FRMD6: variants seen among roughly 807,000 people sequenced by gnomAD.
The protein encoded by FRMD6 is FERM domain containing 6, also known as FERM domain-containing protein 6.
Under a neutral mutation model 73.2 loss-of-function variants are expected in FRMD6, and 37 were observed. The ratio of observed to expected loss-of-function variants is 0.51; its 90% CI spans 0.39 to 0.66. FRMD6 has a LOEUF of 0.66. Ranked by LOEUF, FRMD6 falls within the 30% of genes least tolerant of loss-of-function variation. The probability of loss-of-function intolerance (pLI) is 0.00; values close to 1 mark genes in which losing one functional copy is unlikely to be tolerated. For synonymous variants in FRMD6, 273 were observed against 282.2 expected (o/e 0.97, Z 0.33); for missense variants, 714 against 780.5 (o/e 0.91, Z 1.02).
the FRMD6 span, among the ~76,000 whole-genome samples, chr14:51,443,778 C>G: frequency 6.6e-6 from 1 of 152,176 alleles, no homozygotes; most frequent in African/African-American, 2.4e-5. Flanking sequence ...AAAAAACAAC[C>G]AGGACATTGT....
chr14:51,420,806 G>A, the FRMD6 span, among the ~76,000 whole-genome samples: 14 of 152,000 alleles, frequency 9.2e-5, 1 homozygote, highest in South Asian at 2.1e-4. Context: ...ATGGAGTCTC[G>A]CTCTGTCACC....
chr14:51,497,217 T>C (rs1883351037), intron 1 of FRMD6, among the ~76,000 whole-genome samples: 1 of 151,742 alleles, frequency 6.6e-6, no homozygotes, highest in Non-Finnish European at 1.5e-5. Context: ...GGTTCTTGAT[T>C]CCATCTTCTG....
chr14:51,613,676 G>A (rs963020037), intron 2 of FRMD6, among the ~76,000 whole-genome samples: 2 of 152,044 alleles, frequency 1.3e-5, no homozygotes, highest in African/African-American at 4.8e-5. Context: ...CACTGAGACA[G>A]CATATGCAGC....
At chr14:51,648,531 T>C (rs1471533515), upstream of FRMD6, among the ~76,000 whole-genome samples, 1 of 152,248 alleles carries the variant, frequency 6.6e-6, no homozygotes, top group Admixed American at 6.5e-5. Context: ...TCCAACGTGC[T>C]TGCAAGTTTG....
chr14:51,593,866 T>C (rs1192218756), intron 2 of FRMD6, among the ~76,000 whole-genome samples: 3 of 151,974 alleles, frequency 2.0e-5, no homozygotes, highest in African/African-American at 7.2e-5. Flanking sequence ...CACACACACA[T>C]ATATATGTAT....
chr14:51,451,107 A>G, the FRMD6 span, among the ~76,000 whole-genome samples: 5 of 152,234 alleles, frequency 3.3e-5, no homozygotes, highest in East Asian at 1.9e-4. Context: ...GAGATAGGAC[A>G]TGCCAGGAAA....
At chr14:51,725,327 G>T (rs1205467046) in intron 12 of FRMD6, among the ~76,000 whole-genome samples, 1 of 152,144 alleles carries the variant, frequency 6.6e-6, no homozygotes, top group Non-Finnish European at 1.5e-5. Flanking sequence ...AGAGGCCAGA[G>T]CCCCCACAAT....
At chr14:51,560,290 GTAAAA>G (rs201208354) in intron 1 of FRMD6, among the ~76,000 whole-genome samples, 1,734 of 152,120 alleles carry the variant, frequency 0.011, 16 homozygotes, top group South Asian at 0.03. Flanking sequence ...TGAAAAATTC[GTAAAA>G]TAAAAGGTTT....
chr14:51,480,847 A>G, the FRMD6 span, among the ~76,000 whole-genome samples: 1 of 152,244 alleles, frequency 6.6e-6, no homozygotes, highest in Non-Finnish European at 1.5e-5. Flanking sequence ...GGGAGAAACC[A>G]TAATAGTAGC....
the FRMD6 span, among the ~76,000 whole-genome samples, chr14:51,454,161 A>G: frequency 3.9e-5 from 6 of 152,178 alleles, no homozygotes; most frequent in African/African-American, 1.4e-4. Context: ...ATGCCATGGC[A>G]TTTCATTAGC....
chr14:51,597,319 G>C (rs1416126098), intron 2 of FRMD6, among the ~76,000 whole-genome samples: 1 of 152,220 alleles, frequency 6.6e-6, no homozygotes, highest in Non-Finnish European at 1.5e-5. Flanking sequence ...CGCTATTTCA[G>C]CATAAGGAGA....
chr14:51,710,790 T>C (rs1896900177), intron 7 of FRMD6, among the ~76,000 whole-genome samples: 1 of 152,182 alleles, frequency 6.6e-6, no homozygotes, highest in Non-Finnish European at 1.5e-5. Flanking sequence ...TATATACTTA[T>C]TACAGATGAG....
chr14:51,657,352 A>G (rs1892906271), intron 1 of FRMD6, among the ~76,000 whole-genome samples: 1 of 152,236 alleles, frequency 6.6e-6, no homozygotes, highest in Non-Finnish European at 1.5e-5. Context: ...CAAGAAGCAG[A>G]ACATTACCAG....
the FRMD6 span, among the ~76,000 whole-genome samples, chr14:51,445,878 T>C: frequency 6.6e-6 from 1 of 152,256 alleles, no homozygotes; most frequent in Non-Finnish European, 1.5e-5. Flanking sequence ...TGACAGCTAA[T>C]GCTTCTTGCG....
intron 1 of FRMD6, among the ~76,000 whole-genome samples, chr14:51,504,194 G>A (rs749626603): frequency 1.3e-5 from 2 of 152,142 alleles, no homozygotes; most frequent in African/African-American, 2.4e-5. Context: ...GGGCTGCTGT[G>A]GTTTGCTGGG....
At chr14:51,646,749 T>C (rs922064757) in intron 2 of FRMD6, among the ~76,000 whole-genome samples, 1 of 151,474 alleles carries the variant, frequency 6.6e-6, no homozygotes, top group African/African-American at 2.4e-5. Flanking sequence ...TCTTCAGTCT[T>C]CTGTATAAGG....
At chr14:51,568,838 GC>G (rs1298573192) in intron 1 of FRMD6, among the ~76,000 whole-genome samples, 7 of 150,386 alleles carry the variant, frequency 4.7e-5, no homozygotes, top group Admixed American at 3.3e-4. Context: ...ATCCAGAAAG[GC>G]TTTTACTTTT....
chr14:51,411,765 T>C, the FRMD6 span, among the ~76,000 whole-genome samples: 1 of 152,210 alleles, frequency 6.6e-6, no homozygotes, highest in Non-Finnish European at 1.5e-5. Context: ...TGTGTGTATG[T>C]ATGGAAATTT....
chr14:51,540,062 T>C (rs1416648904), intron 1 of FRMD6, among the ~76,000 whole-genome samples: 2 of 152,168 alleles, frequency 1.3e-5, no homozygotes, highest in African/African-American at 4.8e-5. Flanking sequence ...GAATGCTTTA[T>C]AAATATCAGT....
Sources: allele counts gnomAD v4.1 joint callset (sites outside exome capture counted in the v4.1 genomes callset), GRCh38; gene constraint gnomAD v4.1.1; transcripts MANE v1.5; gene names NCBI Gene and HGNC (gene_info 2026-07-23, HGNC 2026-07-21).